The following CDC73 variants were observed in gnomAD, a reference collection of about 807,000 sequenced individuals.
CDC73 encodes the protein cell division cycle 73.
A neutral mutation model predicts 83.7 loss-of-function variants in CDC73; 21 were observed. The ratio of observed to expected loss-of-function variants is 0.25; its 90% confidence interval spans 0.18 to 0.36. The LOEUF is 0.36. CDC73 is among the 10% of genes least tolerant of loss of function. The pLI is 1.00. For missense variants in CDC73, 342 were observed against 653.3 expected (o/e 0.52, Z 5.19); for synonymous variants, 224 against 212.9 (o/e 1.05, Z -0.45).
intron 15 of CDC73, among the ~76,000 whole-genome samples, chr1:193,237,675 C>T (rs111279099): frequency 6.6e-6 from 1 of 152,038 alleles, no homozygotes; most frequent in African/African-American, 2.4e-5. Flanking sequence ...TGTGTTGACT[C>T]AAAGCCTTTG....
Position 193,253,862 on chromosome 1 carries a change from AT to A in CDC73, c.*3155del. On this transcript the variant is annotated 3_prime_UTR_variant, in exon 17 of 17. Coordinates refer to ENST00000367435, the MANE Select transcript of CDC73 (RefSeq NM_024529.5). Reference sequence around the variant, plus strand: ...ATTATCTAATAAATATTGAGGGAATATTTTTCCTAAATAAAAATTTTTCTGA... The same window carrying A: ...ATTATCTAATAAATATTGAGGGAATATTTTCCTAAATAAAAATTTTTCTGA... The A allele has an allele frequency of 4.4e-6, 1 of 226,236 alleles. No individual in the cohort carries two copies. The highest frequency in any genetic ancestry group is 8.8e-6 in the Non-Finnish European group (1 of 113,922). 14.0% of individuals were successfully genotyped at this position (226,236 alleles called of 1,614,324 possible).
At chr1:193,209,447 C>T (rs75357170) in intron 11 of CDC73, among the ~76,000 whole-genome samples, 5,004 of 152,140 alleles carry the variant, frequency 0.033, 136 homozygotes, top group Admixed American at 0.063. Flanking sequence ...AAACTGAGGC[C>T]GAGCAAAGTT....
rs1678052196 is a variant in CDC73 at position 193,252,054 on chromosome 1, A to G, written c.*1342A>G. On this transcript the variant is annotated 3_prime_UTR_variant, in exon 17 of 17. Coordinates refer to ENST00000367435, the MANE Select transcript of CDC73 (RefSeq NM_024529.5). ...ATCTAGCTTCTTAATGAAATTTAAC[A>G]CTGTCACAAAAATGAGAAGTTATTA... The G allele has an allele frequency of 4.3e-6, 1 of 231,306 alleles. No individual in the cohort carries two copies. Among genetic ancestry groups the G allele is most frequent in the Non-Finnish European group, 8.6e-6 (1 of 116,904 alleles). The allele number at this position is 231,306 out of a possible 1,614,324, so 14.3% of individuals were successfully genotyped here.
intron 11 of CDC73, among the ~76,000 whole-genome samples, chr1:193,206,581 C>T (rs550200922): frequency 6.6e-6 from 1 of 152,126 alleles, no homozygotes; most frequent in South Asian, 2.1e-4. Context: ...TAATATCTGA[C>T]ATGTACACTA....
At chr1:193,175,743 A>G (rs1676589971) in intron 10 of CDC73, among the ~76,000 whole-genome samples, 1 of 152,216 alleles carries the variant, frequency 6.6e-6, no homozygotes, top group African/African-American at 2.4e-5. Context: ...ACAGTATGCC[A>G]TTTTATAAAA....
Position 193,162,463 on chromosome 1 carries a change from C to G in CDC73, c.972+10019C>G, listed in dbSNP as rs890398953. 4.0e-5 allele frequency among the ~76,000 whole-genome samples: 6 copies of G among 150,086 alleles called. 1 individual carries two copies. The highest frequency in any genetic ancestry group is 1.5e-4 in the African/African-American group (6 of 40,708). ...TCTCAGCTCACTGCAGCCTCTGCCT[C>G]CCAGGTTCAAGCAATCCTCCTGCCT... On this transcript the variant is annotated intron_variant, in intron 10 of 16. Transcript: ENST00000367435.
chr1:193,174,497 T>C (rs1360174771), intron 10 of CDC73, among the ~76,000 whole-genome samples: 2 of 152,194 alleles, frequency 1.3e-5, no homozygotes, highest in Non-Finnish European at 1.5e-5. Flanking sequence ...GCCTATGTTA[T>C]ACATTATATT....
At chr1:193,130,303 G>GA in intron 3 of CDC73, 60 bp downstream of exon 3, 1 of 1,033,958 alleles carries the variant, frequency 9.7e-7, no homozygotes, top group African/African-American at 1.6e-5. Flanking sequence ...TTTCCCCTAT[G>GA]AAATAATGAT....
intron 6 of CDC73, among the ~76,000 whole-genome samples, chr1:193,139,630 C>G (rs781202382): frequency 2.6e-5 from 4 of 152,114 alleles, no homozygotes; most frequent in Non-Finnish European, 5.9e-5. Flanking sequence ...CTTTGCACAC[C>G]AAACATCATA....
intron 3 of CDC73, among the ~76,000 whole-genome samples, chr1:193,133,899 G>A (rs182904482): frequency 9.3e-4 from 140 of 150,206 alleles, no homozygotes; most frequent in African/African-American, 3.3e-3. Flanking sequence ...TAAACTATAC[G>A]GAGATAGGAT....
intron 15 of CDC73, among the ~76,000 whole-genome samples, chr1:193,248,588 A>C (rs72740250): frequency 0.033 from 4,965 of 152,192 alleles, 94 homozygotes; most frequent in Non-Finnish European, 0.043. Flanking sequence ...AATAAGATTT[A>C]CCATTCTAGA....
intron 10 of CDC73, among the ~76,000 whole-genome samples, chr1:193,200,772 T>C (rs1373573946): frequency 1.3e-5 from 2 of 152,132 alleles, no homozygotes; most frequent in African/African-American, 4.8e-5. Context: ...TGTGTGTGTG[T>C]GTGCGCGCGT....
At chr1:193,212,156 C>T (rs950273053) in intron 12 of CDC73, 56 bp downstream of exon 12, 19 of 1,363,412 alleles carry the variant, frequency 1.4e-5, no homozygotes, top group Admixed American at 2.0e-5. Flanking sequence ...GATTGCAAAA[C>T]CAGGCCTGAT....
At chr1:193,186,468 T>C (rs186047009) in intron 10 of CDC73, 1 of 152,742 alleles carries the variant, frequency 6.5e-6, no homozygotes, top group Non-Finnish European at 1.5e-5. Context: ...TCAGTTGTAT[T>C]GGAAAAGAAT....
intron 13 of CDC73, among the ~76,000 whole-genome samples, chr1:193,222,417 A>G (rs1160646680): frequency 1.3e-5 from 2 of 152,248 alleles, no homozygotes; most frequent in Non-Finnish European, 2.9e-5. Flanking sequence ...TGAGAATAGT[A>G]CTTGTTCCCA....
At chr1:193,163,610 A>G (rs1676380452) in intron 10 of CDC73, among the ~76,000 whole-genome samples, 1 of 152,196 alleles carries the variant, frequency 6.6e-6, no homozygotes, top group Non-Finnish European at 1.5e-5. Flanking sequence ...TAACTGCAGT[A>G]GACATAAATC....
chr1:193,192,168 C>G (rs1007591100), intron 10 of CDC73, among the ~76,000 whole-genome samples: 2 of 151,770 alleles, frequency 1.3e-5, no homozygotes, highest in African/African-American at 4.8e-5. Flanking sequence ...GGGAGCCAAG[C>G]ATGGTAGCTC....
At chr1:193,131,835 C>T (rs538764180) in intron 3 of CDC73, among the ~76,000 whole-genome samples, 13 of 152,260 alleles carry the variant, frequency 8.5e-5, no homozygotes, top group African/African-American at 2.6e-4. Flanking sequence ...CCACTCTTAT[C>T]GAAAATATAG....
At chr1:193,186,853 T>G (rs905933493) in intron 10 of CDC73, among the ~76,000 whole-genome samples, 1 of 152,190 alleles carries the variant, frequency 6.6e-6, no homozygotes, top group Non-Finnish European at 1.5e-5. Flanking sequence ...CTTCCTTTTT[T>G]AACTTTATTC....
Sources: gnomAD v4.1 joint callset for allele counts (sites outside exome capture counted in the v4.1 genomes callset) on GRCh38, gnomAD v4.1.1 for gene constraint, MANE v1.5 for transcripts, NCBI Gene and HGNC (gene_info 2026-07-23, HGNC 2026-07-21) for gene names.